Variants in CHD1 observed in about 807,000 individuals in gnomAD.
CHD1 encodes the protein ATP-dependent chromatin remodeler CHD1.
CHD1 carries 36 observed loss-of-function variants against 224.2 expected under a neutral mutation model. That is an observed-to-expected ratio of 0.16 (90% CI 0.12 to 0.21). The LOEUF is 0.21. Among genes scored for constraint, CHD1 ranks in the 10% least tolerant of loss-of-function variants. CHD1 has a pLI of 1.00. For missense variants in CHD1, 1,378 were observed against 1,994.8 expected (o/e 0.69, Z 5.89); for synonymous variants, 668 against 658.3 (o/e 1.01, Z -0.23).
intron 17 of CHD1, among the ~76,000 whole-genome samples, chr5:98,887,452 A>G (rs994342013): frequency 1.3e-5 from 2 of 152,170 alleles, no homozygotes; most frequent in African/African-American, 4.8e-5. Context: ...CTGTATCTAC[A>G]TAATGTCTGC....
chr5:98,903,931 TG>T (rs748317147), intron 3 of CHD1, 23 bp from the exon 4 acceptor site: 18 of 1,454,530 alleles, frequency 1.2e-5, no homozygotes, highest in Admixed American at 3.9e-5. Flanking sequence ...TATAAACCAG[TG>T]AATGAAGAAG....
chr5:98,867,862 G>A (rs1407697126), intron 31 of CHD1, among the ~76,000 whole-genome samples: 2 of 147,736 alleles, frequency 1.4e-5, no homozygotes, highest in East Asian at 4.0e-4. Context: ...GAGTGCAATG[G>A]TGCAATCTCA....
chr5:98,900,416 TG>T (rs1259605888), intron 7 of CHD1, among the ~76,000 whole-genome samples: 1 of 151,422 alleles, frequency 6.6e-6, no homozygotes, highest in Non-Finnish European at 1.5e-5. Context: ...CTTTCAACAC[TG>T]TAGAAAAATC....
At chr5:98,884,927 T>A (rs162163) in intron 18 of CHD1, among the ~76,000 whole-genome samples, 5,289 of 151,968 alleles carry the variant, frequency 0.035, 141 homozygotes, top group Non-Finnish European at 0.056. Context: ...CAGACAGCAG[T>A]CTCACTGTTT....
chr5:98,904,753 G>A, intron 3 of CHD1, 144 bp downstream of exon 3: 1 of 726,416 alleles, frequency 1.4e-6, no homozygotes, highest in Non-Finnish European at 2.3e-6. Flanking sequence ...GTACCACCAT[G>A]AATGTGAGAA....
chr5:98,877,078 T>C (rs1049445953), intron 23 of CHD1, among the ~76,000 whole-genome samples: 1 of 152,076 alleles, frequency 6.6e-6, no homozygotes, highest in African/African-American at 2.4e-5. Context: ...GAGGCTGAGG[T>C]GGGAGGATCA....
At chr5:98,900,191 A>T (rs1751605210) in intron 7 of CHD1, among the ~76,000 whole-genome samples, 1 of 151,230 alleles carries the variant, frequency 6.6e-6, no homozygotes, top group South Asian at 2.1e-4. Flanking sequence ...CTGAGGCAGG[A>T]GAATGGCGTG....
chr5:98,856,751 A>G (rs2112436815), intron 35 of CHD1, 26 bp from the exon 36 acceptor site: 1 of 1,403,326 alleles, frequency 7.1e-7, no homozygotes, highest in Non-Finnish European at 9.8e-7. Context: ...TGAGAATTTT[A>G]GACAAATCAT....
chr5:98,864,249 G>A (rs902392795), intron 31 of CHD1, among the ~76,000 whole-genome samples: 17 of 152,070 alleles, frequency 1.1e-4, no homozygotes, highest in Middle Eastern at 6.8e-3. Flanking sequence ...CAAGGCAACC[G>A]TCAGATAAAA....
At position 98,855,718 on chromosome 5, in the gene CHD1, CAAAA is replaced by C. The variant is rs1231295439; in HGVS notation, c.*658_*661del. 1.4e-5 allele frequency: 2 copies of C among 143,854 alleles called. No homozygotes were observed. Among genetic ancestry groups the C allele is most frequent in the African/African-American group, 5.1e-5 (2 of 38,976 alleles). 8.9% of individuals were successfully genotyped at this position (143,854 alleles called of 1,614,324 possible). A position where few individuals can be genotyped will look rare whatever the true frequency, so the allele number is the denominator to read the frequency against. On this transcript the variant is annotated 3_prime_UTR_variant, in exon 36 of 36. Transcript: ENST00000614616. The stretch of plus-strand genomic sequence containing the variant: ...CTGAGTTGGTAGGGAAAGGAACAGT[CAAAA>C]AAAGCCTGAGAAAGGGAAGGAAGTA...
chr5:98,926,922 G>GT (rs1328418248), intron 1 of CHD1, among the ~76,000 whole-genome samples: 1 of 117,832 alleles, frequency 8.5e-6, no homozygotes, highest in Non-Finnish European at 1.7e-5. Flanking sequence ...ATGAAGTGGG[G>GT]GGGGGGGTGG....
chr5:98,869,006 T>C (rs1749117037), intron 30 of CHD1: 5 of 838,106 alleles, frequency 6.0e-6, no homozygotes, highest in Non-Finnish European at 7.2e-6. Flanking sequence ...TTATTATGAT[T>C]TGCATACCTT....
At chr5:98,869,981 G>T in intron 29 of CHD1, 99 bp from the exon 30 acceptor site, 1 of 825,282 alleles carries the variant, frequency 1.2e-6, no homozygotes, top group Non-Finnish European at 1.9e-6. Context: ...ATTCCTACCT[G>T]ATCCTTAGTC....
At chr5:98,898,558 G>A in intron 9 of CHD1, 106 bp downstream of exon 9, 1 of 1,194,712 alleles carries the variant, frequency 8.4e-7, no homozygotes, top group South Asian at 1.6e-5. Flanking sequence ...TACTGTTTTA[G>A]TAAGAGCAAG....
chr5:98,876,649 A>T (rs761760603), intron 23 of CHD1, 91 bp from the exon 24 acceptor site: 1 of 1,133,036 alleles, frequency 8.8e-7, no homozygotes, highest in East Asian at 2.4e-5. Flanking sequence ...CGGAATCTTA[A>T]AAATGTTATT....
Position 98,903,729 on chromosome 5 carries a change from T to G in CHD1, c.372+63A>C, listed in dbSNP as rs1203806452. On this transcript the variant is annotated intron_variant, in intron 4 of 35. Coordinates refer to ENST00000614616, the MANE Select transcript of CHD1 (RefSeq NM_001270.4). ...TTATTATTTTTAATAATTTCACAAA[T>G]ACTAGTTAACTGATTCAGCAGCATG... 3 of 1,064,590 alleles carry G rather than the reference T, an allele frequency of 2.8e-6. No individual in the cohort carries two copies. In the African/African-American group the frequency reaches 4.7e-5, roughly 17 times the overall value. 65.9% of individuals were successfully genotyped at this position (1,064,590 alleles called of 1,614,324 possible). A position where few individuals can be genotyped will look rare whatever the true frequency, so the allele number is the denominator to read the frequency against.
In CHD1 at chr5:98,870,733, T is replaced by G; in HGVS notation, c.3932A>C (p.Lys1311Thr). The change falls in exon 29 of 36, where the codon AAA becomes ACA. Residue 1311 changes from lysine (K) to threonine (T), a missense_variant. Lys to Thr is a moderately conservative substitution (Grantham distance 78). Around this residue, in one of 16 missense-constraint regions of CHD1, gnomAD observed 286 missense variants for 445.1 expected, o/e 0.64. Transcript: ENST00000614616. The stretch of plus-strand genomic sequence containing the variant: ...TTTTGCAAGATCTCTACTAAGTAAT[T>G]TGATGAGGTAGTCTGCACGGGTCTG... The part of the protein sequence containing the change: ...QLQTRADYLI[K>T]LLSRDLAKKE... The G allele has an allele frequency of 6.2e-7, 1 of 1,611,704 alleles. No homozygotes were observed. Among genetic ancestry groups the G allele is most frequent in the East Asian group, 2.2e-5 (1 of 44,732 alleles).
At position 98,896,429 on chromosome 5, in the gene CHD1, T is replaced by G; in HGVS notation, c.1507A>C (p.Ile503Leu). ...CCAAGGCCCATTTCATCAGCGAGTATGCAACTATTTCCTCTACAAAGTTAA... is the reference window on the plus strand; with the variant it reads ...CCAAGGCCCATTTCATCAGCGAGTAGGCAACTATTTCCTCTACAAAGTTAA... ...AHSWCKGNSCILADEMGLGKT... is the reference protein window; with the variant it reads ...AHSWCKGNSCLLADEMGLGKT... The change falls in exon 12 of 36, where the codon ATA (isoleucine) becomes CTA (leucine). Residue 503 changes from isoleucine to leucine, a missense_variant. Physicochemically the swap from Ile to Leu is conservative, Grantham distance 5. Transcript: ENST00000614616. 6.2e-7 allele frequency: 1 copy of G among 1,612,226 alleles called. No homozygotes were observed.
chr5:98,879,040 TG>T (rs1317005668), intron 23 of CHD1, among the ~76,000 whole-genome samples: 1 of 152,174 alleles, frequency 6.6e-6, no homozygotes, highest in Non-Finnish European at 1.5e-5. Flanking sequence ...CAGACCAGCC[TG>T]GACAACATGG....
Sources: allele counts gnomAD v4.1 joint callset (sites outside exome capture counted in the v4.1 genomes callset), GRCh38; gene constraint gnomAD v4.1.1; regional missense constraint gnomAD v4.1.1; transcripts MANE v1.5; gene names NCBI Gene and HGNC (gene_info 2026-07-23, HGNC 2026-07-21).